Variants in CLIP2 observed in about 807,000 individuals in gnomAD.
CLIP2 encodes the protein CAP-Gly domain containing linker protein 2.
A neutral mutation model predicts 111.7 loss-of-function variants in CLIP2; 41 were observed. The ratio of observed to expected loss-of-function variants is 0.37; its 90% CI spans 0.29 to 0.48. The LOEUF (loss-of-function observed/expected upper bound fraction) is 0.48. CLIP2 is among the 20% of genes least tolerant of loss of function. CLIP2 has a pLI of 0.99. For synonymous variants in CLIP2, 660 were observed against 644.2 expected, an observed-to-expected ratio of 1.02 and a Z score of -0.37; for missense variants, 1,160 against 1,422.1, an observed-to-expected ratio of 0.82 and a Z score of 2.96.
intron 3 of CLIP2, among the ~76,000 whole-genome samples, chr7:74,345,366 C>T (rs1200929529): frequency 6.6e-6 from 1 of 151,920 alleles, no homozygotes; most frequent in Non-Finnish European, 1.5e-5. Context: ...TTCCAAGTAG[C>T]TAGGATTACA....
At position 74,364,923 on chromosome 7, in the gene CLIP2, C is replaced by T. The variant is rs367794236; in HGVS notation, c.1380+608C>T. ...CTGTGGTCCCAGCTACTCAGGGAGG[C>T]TGAGGCTAGAGGATCGCTTGAATCT... On this transcript the variant is annotated intron_variant, in intron 8 of 16. Coordinates refer to ENST00000223398, the MANE Select transcript of CLIP2 (RefSeq NM_003388.5). The T allele has an allele frequency of 3.1e-4, 142 of 453,026 alleles. No homozygotes were observed. The East Asian group carries it at 5.9e-3, about 19-fold the overall frequency. The allele number at this position is 453,026 out of a possible 1,614,324, so 28.1% of individuals were successfully genotyped here.
intron 9 of CLIP2, among the ~76,000 whole-genome samples, chr7:74,375,225 G>C (rs891684416): frequency 1.3e-5 from 2 of 151,446 alleles, no homozygotes; most frequent in Non-Finnish European, 2.9e-5. Flanking sequence ...ACTCCAGCCT[G>C]GGCAACATAG....
intron 8 of CLIP2, among the ~76,000 whole-genome samples, chr7:74,366,113 G>A (rs1790465310): frequency 2.0e-5 from 3 of 151,866 alleles, no homozygotes. Context: ...AAAAGCCAGA[G>A]CCCCTCCTTG....
At chr7:74,339,047 C>T in intron 3 of CLIP2, 43 bp downstream of exon 3, 2 of 1,548,698 alleles carry the variant, frequency 1.3e-6, no homozygotes, top group Non-Finnish European at 1.7e-6. Flanking sequence ...GCTTCCCTTC[C>T]CTCCCCTGCT....
At chr7:74,390,005 C>CT (rs1791228270) in intron 13 of CLIP2, among the ~76,000 whole-genome samples, 1 of 148,276 alleles carries the variant, frequency 6.7e-6, no homozygotes, top group Non-Finnish European at 1.5e-5. Context: ...AGGATGATCT[C>CT]TTGAGCCCAG....
chr7:74,374,501 A>G (rs1172484575), intron 9 of CLIP2, among the ~76,000 whole-genome samples: 2 of 152,198 alleles, frequency 1.3e-5, no homozygotes, highest in African/African-American at 2.4e-5. Flanking sequence ...ATCTGAGGTC[A>G]TCTGAGGTCA....
At chr7:74,359,957 C>A (rs1790277948) in intron 6 of CLIP2, among the ~76,000 whole-genome samples, 1 of 152,182 alleles carries the variant, frequency 6.6e-6, no homozygotes, top group South Asian at 2.1e-4. Flanking sequence ...GTACTGAGGG[C>A]AGGTGGGCCT....
chr7:74,351,515 C>T (rs1452983232), intron 3 of CLIP2, among the ~76,000 whole-genome samples: 1 of 150,790 alleles, frequency 6.6e-6, no homozygotes, highest in Non-Finnish European at 1.5e-5. Context: ...TCTTAGAAAG[C>T]TGTGGGAAGA....
intron 1 of CLIP2, among the ~76,000 whole-genome samples, chr7:74,297,156 C>G (rs1473991850): frequency 6.6e-6 from 1 of 152,078 alleles, no homozygotes; most frequent in Admixed American, 6.6e-5. Flanking sequence ...TCAAGAGAGC[C>G]TCTAAGGGCA....
chr7:74,335,109 ATTC>A, intron 2 of CLIP2, among the ~76,000 whole-genome samples: 1 of 151,950 alleles, frequency 6.6e-6, no homozygotes, highest in East Asian at 1.9e-4. Context: ...AATATGATGT[ATTC>A]TTATAATGAA....
intron 2 of CLIP2, among the ~76,000 whole-genome samples, chr7:74,318,604 T>C (rs1788854870): frequency 6.6e-6 from 1 of 151,900 alleles, no homozygotes; most frequent in African/African-American, 2.4e-5. Flanking sequence ...TCCCAGCTAC[T>C]TGGGAGGCTA....
chr7:74,358,292 C>T (rs1407143267), intron 6 of CLIP2, among the ~76,000 whole-genome samples: 1 of 152,096 alleles, frequency 6.6e-6, no homozygotes, highest in Admixed American at 6.6e-5. Context: ...CTCAAGTGAT[C>T]TGCCTGCCTT....
intron 3 of CLIP2, among the ~76,000 whole-genome samples, chr7:74,340,219 A>T (rs541241884): frequency 6.6e-6 from 1 of 152,286 alleles, no homozygotes; most frequent in East Asian, 1.9e-4. Context: ...AACATGGCGA[A>T]ACACCATCTC....
chr7:74,309,478 G>A (rs1788585409), intron 1 of CLIP2, among the ~76,000 whole-genome samples: 1 of 152,118 alleles, frequency 6.6e-6, no homozygotes, highest in Admixed American at 6.6e-5. Context: ...TGCATTCTGT[G>A]TATACGGTTT....
intron 4 of CLIP2, among the ~76,000 whole-genome samples, chr7:74,355,664 G>A (rs544854721): frequency 1.3e-5 from 2 of 152,290 alleles, no homozygotes; most frequent in African/African-American, 4.8e-5. Context: ...TGTGGAATCC[G>A]TGACCAGAGA....
chr7:74,381,468 T>A (rs1790945383), intron 11 of CLIP2: 1 of 374,804 alleles, frequency 2.7e-6, no homozygotes, highest in African/African-American at 2.1e-5. Context: ...ATTACAGGCA[T>A]GAGCCACCGT....
In CLIP2 at chr7:74,376,751, CG is replaced by C; in HGVS notation, c.2353del (p.Glu785ArgfsTer24). 1 of 1,611,654 alleles carries C rather than the reference CG, an allele frequency of 6.2e-7. No homozygotes were observed. Among genetic ancestry groups the C allele is most frequent in the Non-Finnish European group, 8.5e-7 (1 of 1,179,302 alleles). ...GGGCAAACAGGAGGTCGAGAGTTTG[CG>C]GGAGAAGCTCCTGGTGGCTGAGAAC... ...AQGKQEVESL[R>X]EKLLVAENRL... On this transcript the variant is annotated frameshift_variant, in exon 10 of 17. Coordinates refer to ENST00000223398, the MANE Select transcript of CLIP2 (RefSeq NM_003388.5). LOFTEE classifies it high-confidence loss of function. This position sits in a 1 kb window ranked among gnomAD's most constrained non-coding sequence, Gnocchi z 7.1.
At chr7:74,360,893 C>T (rs1790308858) in intron 7 of CLIP2, among the ~76,000 whole-genome samples, 1 of 152,114 alleles carries the variant, frequency 6.6e-6, no homozygotes, top group Non-Finnish European at 1.5e-5. Context: ...CTGCACTCTC[C>T]AGCAGAATAT....
chr7:74,364,104 A>C, intron 7 of CLIP2, 151 bp from the exon 8 acceptor site: 8 of 646,476 alleles, frequency 1.2e-5, no homozygotes, highest in Non-Finnish European at 1.9e-5. Context: ...TGGGAGGTCT[A>C]GAGCTTTCCA....
Sources: gnomAD v4.1 joint callset for allele counts (sites outside exome capture counted in the v4.1 genomes callset) on GRCh38, gnomAD v4.1.1 for gene constraint, Gnocchi (gnomAD v3.1) non-coding constraint, MANE v1.5 for transcripts, NCBI Gene and HGNC (gene_info 2026-07-23, HGNC 2026-07-21) for gene names.